MAPK10: variants seen among roughly 807,000 people sequenced by gnomAD.
MAPK10 encodes the protein mitogen-activated protein kinase 10, also known as JNK3 alpha protein kinase.
MAPK10 carries 25 observed loss-of-function variants against 59.3 expected under a neutral mutation model. That is an observed-to-expected ratio of 0.42 (90% CI 0.31 to 0.59). MAPK10 has a LOEUF of 0.59. MAPK10 is among the 20% of genes least tolerant of loss of function. The pLI is 0.15. For missense variants in MAPK10, 351 were observed against 568.9 expected, an observed-to-expected ratio of 0.62 and a Z score of 3.90; for synonymous variants, 190 against 200.5, an observed-to-expected ratio of 0.95 and a Z score of 0.44.
At chr4:86,582,796 T>A (rs1482602121) in intron 1 of MAPK10, among the ~76,000 whole-genome samples, 1 of 152,218 alleles carries the variant, frequency 6.6e-6, no homozygotes, top group Non-Finnish European at 1.5e-5. Flanking sequence ...TAAAATTTAA[T>A]CTTTTATAAG....
chr4:86,208,767 G>T (rs563403365), intron 2 of MAPK10, among the ~76,000 whole-genome samples: 16 of 152,126 alleles, frequency 1.1e-4, no homozygotes, highest in Admixed American at 2.6e-4. Flanking sequence ...AGAAAATAAA[G>T]GGTATTCAAT....
chr4:86,283,435 T>C (rs1454432411), intron 2 of MAPK10, among the ~76,000 whole-genome samples: 1 of 152,154 alleles, frequency 6.6e-6, no homozygotes, highest in African/African-American at 2.4e-5. Flanking sequence ...AGCACTCCAA[T>C]ACCAAAATAG....
intron 10 of MAPK10, 66 bp from the exon 11 acceptor site, chr4:86,064,456 G>C: frequency 6.6e-7 from 1 of 1,510,952 alleles, no homozygotes; most frequent in South Asian, 1.1e-5. Flanking sequence ...TTGTCAGAGA[G>C]GAAATTTAAG....
At chr4:86,175,639 T>C (rs1199241096) in intron 3 of MAPK10, among the ~76,000 whole-genome samples, 3 of 152,100 alleles carry the variant, frequency 2.0e-5, no homozygotes, top group African/African-American at 7.2e-5. Context: ...CCCTGCACCT[T>C]CCACCATGAT....
At position 86,448,401 on chromosome 4, in the gene MAPK10, G is replaced by GTT. The variant is rs35968542; in HGVS notation, c.-122+4627_-122+4628dup. Among the ~76,000 whole-genome samples the GTT allele has an allele frequency of 2.9e-3, 429 of 147,776 alleles. 2 individuals are homozygous for GTT. Among genetic ancestry groups the GTT allele is most frequent in the Non-Finnish European group, 4.3e-3 (286 of 66,714 alleles). ...CTAGTCTAATTAAAAAGAATTCTGG[G>GTT]TTTTTTTTTTTATCTTAAATTTATG... is the stretch of plus-strand genomic sequence containing the variant. On this transcript the variant is annotated intron_variant, in intron 1 of 13. Transcript: ENST00000361569.
At chr4:86,340,340 G>A (rs898523592) in intron 2 of MAPK10, 22 of 153,462 alleles carry the variant, frequency 1.4e-4, no homozygotes, top group African/African-American at 4.8e-4. Flanking sequence ...TTGACTCACA[G>A]TTCATCAGGC....
chr4:86,565,799 A>C (rs1049648910), intron 1 of MAPK10, among the ~76,000 whole-genome samples: 12 of 152,164 alleles, frequency 7.9e-5, no homozygotes, highest in African/African-American at 2.9e-4. Context: ...TCAAACTCCT[A>C]TACTTGTCCT....
intron 1 of MAPK10, among the ~76,000 whole-genome samples, chr4:86,552,436 G>A (rs1430959953): frequency 2.4e-5 from 2 of 82,772 alleles, no homozygotes; most frequent in Admixed American, 1.3e-4. Context: ...GAGGAAGGAA[G>A]GAAGGAAGGA....
intron 4 of MAPK10, among the ~76,000 whole-genome samples, chr4:86,150,142 T>C (rs1304016390): frequency 6.6e-6 from 1 of 152,228 alleles, no homozygotes; most frequent in East Asian, 1.9e-4. Flanking sequence ...GAAATGTCTT[T>C]TGCAGCAACT....
At chr4:86,586,106 A>G (rs994303998) in intron 1 of MAPK10, among the ~76,000 whole-genome samples, 7 of 152,226 alleles carry the variant, frequency 4.6e-5, no homozygotes, top group African/African-American at 1.7e-4. Flanking sequence ...GCATATTCAC[A>G]TTAAATTACT....
chr4:86,548,018 C>A (rs1759383132), intron 1 of MAPK10, among the ~76,000 whole-genome samples: 1 of 152,184 alleles, frequency 6.6e-6, no homozygotes, highest in Admixed American at 6.5e-5. Flanking sequence ...GCTGCCTGAT[C>A]CAGCAGTGGC....
chr4:86,282,256 C>T (rs895655340), intron 2 of MAPK10, among the ~76,000 whole-genome samples: 2 of 152,098 alleles, frequency 1.3e-5, no homozygotes, highest in African/African-American at 4.8e-5. Context: ...GAAATCTCCA[C>T]AATGTTTTGT....
chr4:86,057,707 T>C (rs2044878701), intron 11 of MAPK10, among the ~76,000 whole-genome samples: 1 of 149,944 alleles, frequency 6.7e-6, no homozygotes, highest in Non-Finnish European at 1.5e-5. Flanking sequence ...AGTGAATAAA[T>C]ACTAAACTGT....
rs1579435146 is a variant in MAPK10 at position 86,509,490 on chromosome 4, T to C, written c.-263+84420A>G. ...AAAAAAAAACAAACAAAAAAAAACC[T>C]GCCAAAATGCTTCCCTGTCCGCATT... On this transcript the variant is annotated intron_variant, in intron 1 of 4. Transcript: ENST00000502302. Among the ~76,000 whole-genome samples, 2 of 149,572 alleles carry C rather than the reference T, an allele frequency of 1.3e-5. 1 individual carries two copies. The highest frequency in any genetic ancestry group is 1.3e-4 in the Admixed American group (2 of 15,042).
At chr4:86,171,912 A>G (rs2074295864) in intron 3 of MAPK10, among the ~76,000 whole-genome samples, 1 of 151,134 alleles carries the variant, frequency 6.6e-6, no homozygotes. Context: ...AAGTGGGCGA[A>G]GGATATGAAC....
At chr4:86,511,142 T>C (rs1756202829) in intron 1 of MAPK10, among the ~76,000 whole-genome samples, 2 of 152,374 alleles carry the variant, frequency 1.3e-5, no homozygotes, top group Admixed American at 1.3e-4. Flanking sequence ...ATACCACATG[T>C]ACCCCAAAAA....
At chr4:86,044,604 A>G (rs1409322901) in intron 11 of MAPK10, 1 of 395,242 alleles carries the variant, frequency 2.5e-6, no homozygotes, top group African/African-American at 2.1e-5. Flanking sequence ...CTGGACAGAT[A>G]TATCATATAC....
intron 4 of MAPK10, among the ~76,000 whole-genome samples, chr4:86,111,345 A>G (rs1199731340): frequency 6.6e-6 from 1 of 152,120 alleles, no homozygotes. Context: ...CCCATTCAGT[A>G]TGATAGTGGC....
chr4:86,079,164 A>C (rs2050131590), intron 9 of MAPK10, among the ~76,000 whole-genome samples: 1 of 152,180 alleles, frequency 6.6e-6, no homozygotes, highest in South Asian at 2.1e-4. Context: ...TAGGAAGAGG[A>C]ATTATAAGCC....
Sources: allele counts gnomAD v4.1 joint callset (sites outside exome capture counted in the v4.1 genomes callset), GRCh38; gene constraint gnomAD v4.1.1; transcripts MANE v1.5; gene names NCBI Gene and HGNC (gene_info 2026-07-23, HGNC 2026-07-21).